The following ALK variants were observed in gnomAD, a reference collection of about 807,000 sequenced individuals.
The protein encoded by ALK is ALK receptor tyrosine kinase.
ALK carries 74 observed loss-of-function variants against 163.1 expected under a neutral mutation model. That is an observed-to-expected ratio of 0.45 (90% confidence interval 0.38 to 0.55). The LOEUF (loss-of-function observed/expected upper bound fraction) is 0.55. Ranked by LOEUF, ALK falls within the 20% of genes least tolerant of loss-of-function variation. The pLI, the probability that ALK is intolerant of heterozygous loss-of-function variation, is 0.00. For missense variants in ALK, 2,063 were observed against 2,105.3 expected, an observed-to-expected ratio of 0.98 and a Z score of 0.39; for synonymous variants, 960 against 843.2, an observed-to-expected ratio of 1.14 and a Z score of -2.40.
intron 4 of ALK, among the ~76,000 whole-genome samples, chr2:29,417,179 G>C (rs575600204): frequency 6.6e-6 from 1 of 151,766 alleles, no homozygotes; most frequent in South Asian, 2.1e-4. Flanking sequence ...TAGTAGAAAC[G>C]GGATTTCACC....
Position 29,233,594 on chromosome 2 carries a change from C to T in ALK, c.2458G>A (p.Gly820Arg), listed in dbSNP as rs1664281575. ...AATACGTAGGTGGCTCCACCCCCTC[C>T]TCCTCCGCCTCCTGCCCACTCATGC... ...SVHEWAGGGG[G>R]GGGATYVFKM... Residue 820 changes from glycine to arginine, a missense_variant, in exon 14 of 29, where the codon GGA becomes AGA. This residue lies in a region of ALK where 575 missense variants were observed against 626.6 expected (regional missense o/e 0.92). Transcript: ENST00000389048. The T allele has an allele frequency of 6.2e-7, 1 of 1,614,262 alleles. No homozygotes were observed. Among genetic ancestry groups the T allele is most frequent in the Non-Finnish European group, 8.5e-7 (1 of 1,180,038 alleles).
intron 25 of ALK, among the ~76,000 whole-genome samples, chr2:29,208,350 T>G (rs1466032329): frequency 1.3e-5 from 2 of 152,108 alleles, no homozygotes; most frequent in Non-Finnish European, 2.9e-5. Context: ...CTTAGGGTGG[T>G]TGAAGCCTGG....
intron 5 of ALK, among the ~76,000 whole-genome samples, chr2:29,364,381 C>A (rs1668454382): frequency 1.3e-5 from 2 of 152,112 alleles, no homozygotes; most frequent in Non-Finnish European, 2.9e-5. Flanking sequence ...GGGGAAGGAC[C>A]AGCTAACCAA....
At chr2:29,395,373 G>A (rs1669276251) in intron 4 of ALK, among the ~76,000 whole-genome samples, 1 of 152,222 alleles carries the variant, frequency 6.6e-6, no homozygotes, top group South Asian at 2.1e-4. Context: ...GAGGAGCCTG[G>A]TGAGGTGGGG....
intron 5 of ALK, among the ~76,000 whole-genome samples, chr2:29,339,234 C>G (rs1558681971): frequency 7.0e-6 from 1 of 143,490 alleles, no homozygotes; most frequent in African/African-American, 2.5e-5. Flanking sequence ...CAGGGCGAGA[C>G]TCTATCTCAA....
At chr2:29,506,472 AG>A (rs1452585784) in intron 4 of ALK, among the ~76,000 whole-genome samples, 1 of 152,138 alleles carries the variant, frequency 6.6e-6, no homozygotes, top group Non-Finnish European at 1.5e-5. Flanking sequence ...GAAGTTGAGC[AG>A]GATTGGCTCA....
chr2:29,274,267 G>A (rs1475975344), intron 11 of ALK, among the ~76,000 whole-genome samples: 2 of 152,266 alleles, frequency 1.3e-5, no homozygotes, highest in Non-Finnish European at 2.9e-5. Flanking sequence ...CACATTATAA[G>A]TTGAAATTAG....
At chr2:29,654,899 G>C (rs2339534) in intron 3 of ALK, among the ~76,000 whole-genome samples, 20,833 of 151,952 alleles carry the variant, frequency 0.14, 3,362 homozygotes, top group African/African-American at 0.39. Flanking sequence ...TGAAAAAAAA[G>C]CCCTCATCAA....
At chr2:29,493,676 C>T (rs1671956227) in intron 4 of ALK, among the ~76,000 whole-genome samples, 2 of 152,166 alleles carry the variant, frequency 1.3e-5, no homozygotes, top group Admixed American at 6.5e-5. Context: ...TCCTACTTCC[C>T]GAGGTTGTGG....
At chr2:29,275,573 G>GGA in intron 9 of ALK, 77 bp from the exon 10 acceptor site, 3 of 1,432,358 alleles carry the variant, frequency 2.1e-6, no homozygotes, top group Non-Finnish European at 3.0e-6. Context: ...CAGCAGGTGT[G>GGA]TGCTGATCAC....
At chr2:29,322,125 G>T (rs1032443564) in intron 6 of ALK, among the ~76,000 whole-genome samples, 1 of 152,226 alleles carries the variant, frequency 6.6e-6, no homozygotes, top group Non-Finnish European at 1.5e-5. Flanking sequence ...CTCCATGTGG[G>T]AGGAAAGAAG....
At chr2:29,812,807 C>T (rs1664791814) in intron 1 of ALK, among the ~76,000 whole-genome samples, 2 of 152,196 alleles carry the variant, frequency 1.3e-5, no homozygotes. Flanking sequence ...CGTAGTCATG[C>T]TCATGGATCA....
intron 2 of ALK, among the ~76,000 whole-genome samples, chr2:29,699,352 C>A (rs1003362391): frequency 6.6e-6 from 1 of 152,180 alleles, no homozygotes; most frequent in Non-Finnish European, 1.5e-5. Context: ...CTTCTTCTCT[C>A]TATAGGTGAG....
intron 4 of ALK, among the ~76,000 whole-genome samples, chr2:29,522,166 G>A (rs1339374493): frequency 1.3e-5 from 2 of 152,206 alleles, no homozygotes; most frequent in African/African-American, 4.8e-5. Context: ...CAGGGACAGT[G>A]GAGCTGGATT....
At chr2:29,255,717 C>T (rs1479729931) in intron 11 of ALK, among the ~76,000 whole-genome samples, 2 of 152,236 alleles carry the variant, frequency 1.3e-5, no homozygotes, top group Non-Finnish European at 2.9e-5. Context: ...CCCGGACCCA[C>T]CTTGTCTTTT....
intron 3 of ALK, among the ~76,000 whole-genome samples, chr2:29,676,301 T>C (rs1677870838): frequency 6.6e-6 from 1 of 152,090 alleles, no homozygotes; most frequent in Admixed American, 6.6e-5. Context: ...GTTCTGTCAT[T>C]TTCATTTTCT....
At chr2:29,215,440 C>A (rs1394860318) in intron 23 of ALK, among the ~76,000 whole-genome samples, 1 of 152,170 alleles carries the variant, frequency 6.6e-6, no homozygotes, top group African/African-American at 2.4e-5. Context: ...AGTTCCCCTA[C>A]CGGTGCCTTA....
At chr2:29,640,988 A>C (rs1676684176) in intron 3 of ALK, among the ~76,000 whole-genome samples, 2 of 152,112 alleles carry the variant, frequency 1.3e-5, no homozygotes, top group Admixed American at 6.6e-5. Context: ...TATTCCAGAA[A>C]CTGGAGATGT....
At chr2:29,558,847 G>A (rs1378373707) in intron 3 of ALK, among the ~76,000 whole-genome samples, 3 of 152,054 alleles carry the variant, frequency 2.0e-5, no homozygotes, top group South Asian at 2.1e-4. Flanking sequence ...TCTGGCATAC[G>A]GTGGACACCC....
Sources: gnomAD v4.1 joint callset for allele counts (sites outside exome capture counted in the v4.1 genomes callset) on GRCh38, gnomAD v4.1.1 for gene constraint, gnomAD v4.1.1 regional missense constraint, MANE v1.5 for transcripts, NCBI Gene and HGNC (gene_info 2026-07-23, HGNC 2026-07-21) for gene names.